KSR2: variants seen among roughly 807,000 people sequenced by gnomAD.
The protein encoded by KSR2 is kinase suppressor of ras 2.
In KSR2, 25 loss-of-function variants were observed where a neutral mutation model predicts 107.8. The ratio of observed to expected loss-of-function variants is 0.23; its 90% CI spans 0.17 to 0.32. The LOEUF is 0.32. Among genes scored for constraint, KSR2 ranks in the 10% least tolerant of loss-of-function variants. The pLI, the probability that KSR2 is intolerant of heterozygous loss-of-function variation, is 1.00. For synonymous variants in KSR2, 480 were observed against 507.0 expected, an observed-to-expected ratio of 0.95 and a Z score of 0.71; for missense variants, 887 against 1,268.9, an observed-to-expected ratio of 0.70 and a Z score of 4.57.
chr12:117,743,083 C>T (rs369961248), intron 4 of KSR2, among the ~76,000 whole-genome samples: 9 of 152,216 alleles, frequency 5.9e-5, no homozygotes, highest in Non-Finnish European at 8.8e-5. Context: ...CAAGAGCATC[C>T]GACCTCCAGC....
At chr12:117,484,862 A>T (rs1872371368) in intron 15 of KSR2, among the ~76,000 whole-genome samples, 1 of 152,184 alleles carries the variant, frequency 6.6e-6, no homozygotes, top group East Asian at 1.9e-4. Context: ...TCAACCAACC[A>T]TTTTCATCCA....
intron 5 of KSR2, among the ~76,000 whole-genome samples, chr12:117,637,675 G>GTTTGTTTT: frequency 1.1e-5 from 1 of 92,110 alleles, no homozygotes; most frequent in South Asian, 4.3e-4. Context: ...TCAGTTTTGG[G>GTTTGTTTT]TTTTTTTTTT....
intron 4 of KSR2, among the ~76,000 whole-genome samples, chr12:117,673,665 A>G (rs1252124296): frequency 6.6e-6 from 1 of 151,862 alleles, no homozygotes; most frequent in African/African-American, 2.4e-5. Flanking sequence ...ATCCACCCTC[A>G]TTACCAAGGC....
intron 4 of KSR2, among the ~76,000 whole-genome samples, chr12:117,689,311 G>A (rs1257854097): frequency 6.6e-6 from 1 of 152,122 alleles, no homozygotes; most frequent in East Asian, 1.9e-4. Context: ...AAGCAGAGAT[G>A]TCTTAATAAG....
intron 3 of KSR2, among the ~76,000 whole-genome samples, chr12:117,772,283 ACT>A (rs1337971436): frequency 1.6e-4 from 21 of 134,688 alleles, no homozygotes; most frequent in Non-Finnish European, 3.1e-4. Flanking sequence ...ACGCACACAC[ACT>A]CACACATACA....
intron 3 of KSR2, among the ~76,000 whole-genome samples, chr12:117,771,819 G>A (rs1001612261): frequency 1.3e-5 from 2 of 150,928 alleles, no homozygotes; most frequent in African/African-American, 4.9e-5. Flanking sequence ...ACCCCTCCCC[G>A]TAGCCTACAG....
chr12:117,469,624 C>G, intron 19 of KSR2, 38 bp downstream of exon 19: 1 of 1,603,922 alleles, frequency 6.2e-7, no homozygotes, highest in South Asian at 1.1e-5. Context: ...GGGCAGAGGA[C>G]AAGGCAGTGG....
At chr12:117,819,179 G>C (rs1891477778) in intron 3 of KSR2, among the ~76,000 whole-genome samples, 1 of 152,140 alleles carries the variant, frequency 6.6e-6, no homozygotes, top group African/African-American at 2.4e-5. Flanking sequence ...AATAAGGCCA[G>C]TTTGAGCTCA....
chr12:117,641,796 G>A (rs1171757843), intron 5 of KSR2, among the ~76,000 whole-genome samples: 4 of 152,092 alleles, frequency 2.6e-5, no homozygotes, highest in Non-Finnish European at 2.9e-5. Context: ...GAAACAGCAC[G>A]GTTTAGTAGC....
At chr12:117,928,357 T>C (rs768011755) in intron 1 of KSR2, among the ~76,000 whole-genome samples, 5 of 152,194 alleles carry the variant, frequency 3.3e-5, no homozygotes, top group Non-Finnish European at 7.4e-5. Context: ...TAATTTTTTG[T>C]AATTTTAGTA....
At chr12:117,687,811 G>A (rs1011134345) in intron 4 of KSR2, among the ~76,000 whole-genome samples, 3 of 151,960 alleles carry the variant, frequency 2.0e-5, no homozygotes, top group Admixed American at 2.0e-4. Flanking sequence ...CATGACACAC[G>A]ATGGAAAAAA....
intron 3 of KSR2, among the ~76,000 whole-genome samples, chr12:117,785,430 A>G (rs965540685): frequency 4.0e-5 from 6 of 149,554 alleles, no homozygotes; most frequent in Admixed American, 6.7e-5. Context: ...AAAAAAAAAA[A>G]AAAAAAAAAA....
intron 4 of KSR2, among the ~76,000 whole-genome samples, chr12:117,684,509 G>A (rs146334539): frequency 7.9e-5 from 12 of 152,188 alleles, no homozygotes; most frequent in African/African-American, 2.2e-4. Context: ...AATTTTCCTC[G>A]ATGCCATGAG....
rs994963221 is a variant in KSR2 at position 117,463,509 on chromosome 12, T to C, written c.*3690A>G. 1 of 152,246 alleles carries C rather than the reference T, an allele frequency of 6.6e-6. No individual in the cohort carries two copies. The highest frequency in any genetic ancestry group is 2.4e-5 in the African/African-American group (1 of 41,468). The allele number at this position is 152,246 out of a possible 1,614,324, so 9.4% of individuals were successfully genotyped here. Reference sequence around the variant, plus strand: ...TGTCACAGTTGCATAGGAGCAGCCGTGGTTGTGTAAATGGAGAGGTGACTG... The same window carrying C: ...TGTCACAGTTGCATAGGAGCAGCCGCGGTTGTGTAAATGGAGAGGTGACTG... On this transcript the variant is annotated 3_prime_UTR_variant, in exon 20 of 20. Transcript: ENST00000339824.
At chr12:117,490,627 C>T (rs940589396) in intron 14 of KSR2, among the ~76,000 whole-genome samples, 13 of 152,142 alleles carry the variant, frequency 8.5e-5, no homozygotes, top group Admixed American at 6.6e-5. Context: ...AACTCCTGGG[C>T]TAAAGTGATC....
intron 7 of KSR2, among the ~76,000 whole-genome samples, chr12:117,577,806 G>A (rs1879378252): frequency 6.6e-6 from 1 of 152,160 alleles, no homozygotes; most frequent in Admixed American, 6.5e-5. Flanking sequence ...ATAACATGTG[G>A]GAATAGTGGG....
At chr12:117,597,640 C>T (rs561558343) in intron 5 of KSR2, among the ~76,000 whole-genome samples, 6 of 152,286 alleles carry the variant, frequency 3.9e-5, no homozygotes, top group South Asian at 2.1e-4. Context: ...TTTGGAATTA[C>T]GACCTCCGGA....
At chr12:117,789,187 TA>T (rs1428934988) in intron 3 of KSR2, among the ~76,000 whole-genome samples, 2 of 152,214 alleles carry the variant, frequency 1.3e-5, no homozygotes, top group Non-Finnish European at 2.9e-5. Flanking sequence ...CAAGCACCTA[TA>T]ATTCTGACCT....
chr12:117,535,243 A>C (rs1378286396), intron 10 of KSR2, among the ~76,000 whole-genome samples: 1 of 152,228 alleles, frequency 6.6e-6, no homozygotes, highest in Admixed American at 6.5e-5. Flanking sequence ...TGGGCAGTGC[A>C]TGAAATTCAG....
Sources: allele counts gnomAD v4.1 joint callset (sites outside exome capture counted in the v4.1 genomes callset), GRCh38; gene constraint gnomAD v4.1.1; transcripts MANE v1.5; gene names NCBI Gene and HGNC (gene_info 2026-07-23, HGNC 2026-07-21).